The following WDR36 variants were observed in gnomAD, a reference collection of about 807,000 sequenced individuals.
WDR36 encodes the protein WD repeat domain 36.
In WDR36, 63 loss-of-function variants were observed where a neutral mutation model predicts 112.7. That is an observed-to-expected ratio of 0.56 (90% CI 0.46 to 0.69). The LOEUF is 0.69. Among genes scored for constraint, WDR36 ranks in the 30% least tolerant of loss-of-function variants. The pLI, the probability that WDR36 is intolerant of heterozygous loss-of-function variation, is 0.00. For missense variants in WDR36, 1,226 were observed against 1,070.3 expected, an observed-to-expected ratio of 1.15 and a Z score of -2.03; for synonymous variants, 410 against 362.2, an observed-to-expected ratio of 1.13 and a Z score of -1.50.
intron 10 of WDR36, 136 bp downstream of exon 10, chr5:111,105,496 G>T: frequency 1.2e-6 from 1 of 810,930 alleles, no homozygotes. Flanking sequence ...GGAAGAGGTA[G>T]TAAGATTCCT....
At position 111,126,983 on chromosome 5, in the gene WDR36, A is replaced by G. The variant is rs1753689730; in HGVS notation, c.*100A>G. 3 of 1,171,072 alleles carry G rather than the reference A, an allele frequency of 2.6e-6. No individual in the cohort carries two copies. The highest frequency in any genetic ancestry group is 1.6e-5 in the African/African-American group (1 of 64,046). The allele number at this position is 1,171,072 out of a possible 1,614,324, so 72.5% of individuals were successfully genotyped here. ...TCAATGTGAAAAGAAAATAAATGCT[A>G]GCACTACTGACTAGTCAGTATATCT... On this transcript the variant is annotated 3_prime_UTR_variant, in exon 23 of 23. Coordinates refer to ENST00000513710, the MANE Select transcript of WDR36 (RefSeq NM_139281.3).
intron 6 of WDR36, among the ~76,000 whole-genome samples, chr5:111,103,299 T>C (rs1399919529): frequency 6.6e-6 from 1 of 151,788 alleles, no homozygotes; most frequent in Admixed American, 6.6e-5. Context: ...AACAGACTAA[T>C]TGTAAAACTT....
At chr5:111,108,290 A>C (rs1456303830) in intron 12 of WDR36, among the ~76,000 whole-genome samples, 1 of 150,776 alleles carries the variant, frequency 6.6e-6, no homozygotes, top group East Asian at 1.9e-4. Flanking sequence ...TGGATTGTTC[A>C]TTGAGAGTGT....
In WDR36 at chr5:111,125,654, T is replaced by A; in HGVS notation, c.2397T>A (p.Ile799=). ...NLLKESGPSG[I]ETELRSLSPD... ...TGAAAGAATCAGGCCCATCAGGAATTGAAACAGAGCTGCGAAGCTTGTCTC... is the reference window on the plus strand; with the variant it reads ...TGAAAGAATCAGGCCCATCAGGAATAGAAACAGAGCTGCGAAGCTTGTCTC... The change falls in exon 22 of 23, where the codon ATT becomes ATA. Residue 799 remains isoleucine, a synonymous_variant. Transcript: ENST00000513710. The A allele has an allele frequency of 6.2e-7, 1 of 1,613,854 alleles. No homozygotes were observed. Among genetic ancestry groups the A allele is most frequent in the Non-Finnish European group, 8.5e-7 (1 of 1,179,856 alleles).
intron 16 of WDR36, among the ~76,000 whole-genome samples, chr5:111,116,917 A>G (rs1038207815): frequency 1.3e-5 from 2 of 152,244 alleles, no homozygotes; most frequent in South Asian, 2.1e-4. Context: ...CCCTTCACGT[A>G]TGTAAACTTT....
intron 14 of WDR36, 51 bp from the exon 15 acceptor site, chr5:111,111,116 GATT>G (rs1362949378): frequency 6.3e-7 from 1 of 1,582,512 alleles, no homozygotes. Flanking sequence ...GTGGAGGTGA[GATT>G]TTAGTTCAAG....
chr5:111,106,030 G>T (rs756931572), intron 10 of WDR36, 27 bp from the exon 11 acceptor site: 4 of 1,531,492 alleles, frequency 2.6e-6, no homozygotes, highest in African/African-American at 1.4e-5. Context: ...TCATAGCTAT[G>T]TATGTTCCCC....
intron 15 of WDR36, among the ~76,000 whole-genome samples, 181 bp from the exon 16 acceptor site, chr5:111,112,893 A>G (rs1753370004): frequency 6.6e-6 from 1 of 151,004 alleles, no homozygotes; most frequent in Non-Finnish European, 1.5e-5. Context: ...TTTTATATAA[A>G]ATAAGGCAGC....
rs376943766 is a variant in WDR36, at chr5:111,113,123, C to G, written c.1766C>G (p.Ser589Cys). The change falls in exon 16 of 23, where the codon TCT becomes TGT. Residue 589 changes from serine (S) to cysteine (C), a missense_variant. Physicochemically the swap from Ser to Cys is moderately radical, Grantham distance 112. Transcript: ENST00000513710. Reference protein sequence around the residue: ...RWLISAAMDCSIRTWDLPSGC... With the variant: ...RWLISAAMDCCIRTWDLPSGC... ...TTAATAAGTGCTGCGATGGATTGCT[C>G]TATTAGGACTTGGGACCTTCCTTCT... 44 of 1,587,230 alleles carry G rather than the reference C, an allele frequency of 2.8e-5. No homozygotes were observed. The highest frequency in any genetic ancestry group is 3.2e-5 in the Non-Finnish European group (37 of 1,165,244).
In WDR36 at chr5:111,130,252, G is replaced by A. The variant is rs951484955; in HGVS notation, c.*3369G>A. On this transcript the variant is annotated 3_prime_UTR_variant, in exon 23 of 23. Transcript: ENST00000513710. ...ATGCCCTGCAGATCATGGGACCTATGCATATGAAAAGTCGGTCCTTGTATT... is the reference window on the plus strand; with the variant it reads ...ATGCCCTGCAGATCATGGGACCTATACATATGAAAAGTCGGTCCTTGTATT... The A allele has an allele frequency of 1.5e-5, 3 of 201,766 alleles. No homozygotes were observed. The highest frequency in any genetic ancestry group is 3.1e-5 in the Non-Finnish European group (3 of 97,796). The allele number at this position is 201,766 out of a possible 1,614,324, so 12.5% of individuals were successfully genotyped here.
intron 22 of WDR36, among the ~76,000 whole-genome samples, chr5:111,126,176 T>A (rs1446823281): frequency 6.6e-6 from 1 of 152,102 alleles, no homozygotes; most frequent in Non-Finnish European, 1.5e-5. Flanking sequence ...TTTCTTTTTT[T>A]AGTGGTTAGT....
At chr5:111,126,277 C>A (rs1364132374) in intron 22 of WDR36, among the ~76,000 whole-genome samples, 1 of 151,674 alleles carries the variant, frequency 6.6e-6, no homozygotes, top group East Asian at 1.9e-4. Flanking sequence ...TCACTTCTAT[C>A]ATTATTAAAG....
At chr5:111,112,650 TCTG>T (rs772786380) in intron 15 of WDR36, among the ~76,000 whole-genome samples, 214 of 152,098 alleles carry the variant, frequency 1.4e-3, no homozygotes, top group Middle Eastern at 6.8e-3. Context: ...ATTTTGAAAA[TCTG>T]ATTATTATAG....
chr5:111,117,880 A>G (rs1283424071), intron 16 of WDR36, among the ~76,000 whole-genome samples: 2 of 152,160 alleles, frequency 1.3e-5, no homozygotes, highest in African/African-American at 4.8e-5. Context: ...AGCCAGCCTA[A>G]GGGGTCTTTC....
At chr5:111,118,474 G>A (rs1029419207) in intron 16 of WDR36, among the ~76,000 whole-genome samples, 1 of 152,118 alleles carries the variant, frequency 6.6e-6, no homozygotes, top group Non-Finnish European at 1.5e-5. Context: ...CTTCTCTAGA[G>A]ACTGAATTTT....
At chr5:111,126,245 T>C (rs529910638) in intron 22 of WDR36, among the ~76,000 whole-genome samples, 42 of 152,248 alleles carry the variant, frequency 2.8e-4, no homozygotes, top group South Asian at 1.5e-3. Context: ...TGTTTTTTTT[T>C]CTACTACTGA....
chr5:111,120,286 A>G lies in WDR36; in HGVS notation c.1905-210A>G, dbSNP rs568132963. 1.3e-3 allele frequency among the ~76,000 whole-genome samples: 202 copies of G among 152,278 alleles called. 1 individual carries two copies. Among genetic ancestry groups the G allele is most frequent in the African/African-American group, 4.5e-3 (185 of 41,566 alleles). On this transcript the variant is annotated intron_variant, in intron 17 of 22. Coordinates refer to ENST00000513710, the MANE Select transcript of WDR36 (RefSeq NM_139281.3). ...TGTCTTTAATATGTTTTTGTACTACATCAGGAAAGAGACTCAATAATGTAT... is the reference window on the plus strand; with the variant it reads ...TGTCTTTAATATGTTTTTGTACTACGTCAGGAAAGAGACTCAATAATGTAT...
At chr5:111,102,474 AT>A in intron 6 of WDR36, 75 bp downstream of exon 6, 1 of 1,418,784 alleles carries the variant, frequency 7.0e-7, no homozygotes, top group Non-Finnish European at 9.9e-7. Context: ...ATCAATCATA[AT>A]TTTAGACGTA....
chr5:111,104,184 T>A lies in WDR36; in HGVS notation c.738T>A (p.His246Gln), dbSNP rs1377755446. The change falls in exon 8 of 23, where the codon CAT becomes CAA. Residue 246 changes from histidine to glutamine, a missense_variant. Transcript: ENST00000513710. The part of the protein sequence containing the change: ...ITSISFRTDG[H>Q]PVMAAGSPCG... ...ATTTTATTTTAATAACAGATGGTCA[T>A]CCAGTAATGGCAGCTGGAAGCCCAT... 1 of 1,610,916 alleles carries A rather than the reference T, an allele frequency of 6.2e-7. No individual in the cohort carries two copies.
Sources: gnomAD v4.1 joint callset for allele counts (sites outside exome capture counted in the v4.1 genomes callset) on GRCh38, gnomAD v4.1.1 for gene constraint, MANE v1.5 for transcripts, NCBI Gene and HGNC (gene_info 2026-07-23, HGNC 2026-07-21) for gene names.